The following HARBI1 variants were observed in gnomAD, a reference collection of about 807,000 sequenced individuals.
HARBI1 encodes harbinger transposase derived 1.
In HARBI1, 15 loss-of-function variants were observed where a neutral mutation model predicts 25.3. The ratio of observed to expected loss-of-function variants is 0.59; its 90% CI spans 0.40 to 0.91. The LOEUF (loss-of-function observed/expected upper bound fraction) is 0.91. Ranked by LOEUF, HARBI1 falls within the 40% of genes least tolerant of loss-of-function variation. HARBI1 has a pLI of 0.00. For synonymous variants in HARBI1, 168 were observed against 160.5 expected (o/e 1.05, Z -0.35); for missense variants, 396 against 445.8 (o/e 0.89, Z 1.01).
In HARBI1 at chr11:46,617,185, C is replaced by T. The variant is rs2045611359; in HGVS notation, c.-206G>A. On this transcript the variant is annotated 5_prime_UTR_variant, in exon 1 of 3. Coordinates refer to ENST00000326737, the MANE Select transcript of HARBI1 (RefSeq NM_173811.4). ...ACCCACCCAGCCGGGTTGGGCCCTC[C>T]TCCGGAACCGGCGACTGCACAGAGG... The T allele has an allele frequency of 5.2e-6, 1 of 194,046 alleles. No individual in the cohort carries two copies. The allele number at this position is 194,046 out of a possible 1,614,324, so 12.0% of individuals were successfully genotyped here. A position where few individuals can be genotyped will look rare whatever the true frequency, so the allele number is the denominator to read the frequency against.
chr11:46,603,509 C>T lies in HARBI1; in HGVS notation c.*21G>A. The T allele has an allele frequency of 6.5e-7, 1 of 1,548,156 alleles. No individual in the cohort carries two copies. Among genetic ancestry groups the T allele is most frequent in the Non-Finnish European group, 8.7e-7 (1 of 1,143,578 alleles). ...GTCTGTCACAACTCCTGGGAAGTAT[C>T]CCTCCTCTCCACCTTCTACATTAGC... On this transcript the variant is annotated 3_prime_UTR_variant, in exon 3 of 3. Transcript: ENST00000326737.
chr11:46,617,416 T>A (rs939266010), upstream of HARBI1: 1 of 162,422 alleles, frequency 6.2e-6, no homozygotes, highest in Non-Finnish European at 1.3e-5. Flanking sequence ...AGAAGAAAGC[T>A]TACGTGGAAT....
intron 2 of HARBI1, among the ~76,000 whole-genome samples, chr11:46,607,569 G>A (rs367625392): frequency 9.2e-5 from 14 of 152,174 alleles, no homozygotes; most frequent in African/African-American, 3.4e-4. Context: ...TTAAATGGAG[G>A]AGATATACAG....
At position 46,609,000 on chromosome 11, in the gene HARBI1, T is replaced by C. The variant is rs2045069770; in HGVS notation, c.671-5091A>G. On this transcript the variant is annotated intron_variant, in intron 2 of 2. Coordinates refer to ENST00000326737, the MANE Select transcript of HARBI1 (RefSeq NM_173811.4). ...GTGCAATGGCGTGATCTCAGCTCAC[T>C]GCAACCTCCGCCTCCCAGGTTCAAG... Among the ~76,000 whole-genome samples the C allele has an allele frequency of 2.0e-5, 3 of 151,300 alleles. No individual in the cohort carries two copies. The Admixed American group carries it at 2.0e-4, about 10-fold the overall frequency.
Position 46,615,737 on chromosome 11 carries a change from G to T in HARBI1, c.501C>A (p.Asn167Lys). The T allele has an allele frequency of 1.2e-6, 2 of 1,614,166 alleles. No individual in the cohort carries two copies. The highest frequency in any genetic ancestry group is 8.5e-7 in the Non-Finnish European group (1 of 1,180,034). ...APNAEDLSYV[N>K]RKGLHSLNCL... The stretch of plus-strand genomic sequence containing the variant: ...AGTTTAAAGAATGCAGGCCTTTTCG[G>T]TTCACATAGGAGAGGTCTTCAGCAT... The change falls in exon 2 of 3, where the codon AAC (asparagine) becomes AAA (lysine). Residue 167 changes from asparagine to lysine, a missense_variant. Coordinates refer to ENST00000326737, the MANE Select transcript of HARBI1 (RefSeq NM_173811.4).
At chr11:46,604,819 G>T in intron 2 of HARBI1, 1 of 451,418 alleles carries the variant, frequency 2.2e-6, no homozygotes, top group Non-Finnish European at 2.9e-6. Context: ...ATATAATCAT[G>T]CAAATAGTAA....
intron 2 of HARBI1, among the ~76,000 whole-genome samples, chr11:46,613,075 G>T (rs1433043044): frequency 6.9e-6 from 1 of 144,992 alleles, no homozygotes; most frequent in African/African-American, 2.6e-5. Context: ...TGCCTCCCAG[G>T]CTCAAGCAAT....
intron 2 of HARBI1, among the ~76,000 whole-genome samples, chr11:46,608,613 T>TAA (rs869222318): frequency 2.7e-5 from 4 of 149,884 alleles, no homozygotes; most frequent in Non-Finnish European, 4.4e-5. Context: ...GCCTGGCAAT[T>TAA]AAAAAAAAAA....
chr11:46,606,218 C>T (rs1345818316), intron 2 of HARBI1, among the ~76,000 whole-genome samples: 2 of 151,742 alleles, frequency 1.3e-5, no homozygotes, highest in Non-Finnish European at 2.9e-5. Context: ...CATAACCCTA[C>T]TAAATAATGA....
chr11:46,603,755 A>C lies in HARBI1; in HGVS notation c.825T>G (p.Asp275Glu). Residue 275 changes from aspartate (D) to glutamate (E), a missense_variant, in exon 3 of 3, where the codon GAT (aspartate) becomes GAG (glutamate). By Grantham distance (45) the Asp-to-Glu change is conservative. Transcript: ENST00000326737. ...RTLCSRFRCL[D>E]GSKGALQYSP... ...AGTACTGCAGTGCCCCCTTGGATCC[A>C]TCCAGGCAGCGGAATCGGGAGCAGA... 2 of 1,614,188 alleles carry C rather than the reference A, an allele frequency of 1.2e-6. No individual in the cohort carries two copies. Among genetic ancestry groups the C allele is most frequent in the East Asian group, 4.5e-5 (2 of 44,878 alleles).
chr11:46,610,239 G>C (rs953166286), intron 2 of HARBI1, among the ~76,000 whole-genome samples: 2 of 152,030 alleles, frequency 1.3e-5, no homozygotes, highest in Non-Finnish European at 2.9e-5. Flanking sequence ...AGGATCAATT[G>C]AGCCCAGGAG....
intron 1 of HARBI1, 68 bp downstream of exon 1, chr11:46,617,056 G>T: frequency 1.0e-6 from 1 of 961,786 alleles, no homozygotes; most frequent in Non-Finnish European, 1.2e-6. Flanking sequence ...CTTTTAAAGG[G>T]CACCCTAAAA....
intron 2 of HARBI1, among the ~76,000 whole-genome samples, chr11:46,613,964 C>T (rs2045282357): frequency 6.6e-6 from 1 of 152,060 alleles, no homozygotes; most frequent in African/African-American, 2.4e-5. Flanking sequence ...AGCCACCGCA[C>T]CCAGACAGGA....
intron 2 of HARBI1, among the ~76,000 whole-genome samples, chr11:46,608,900 C>G (rs1205073550): frequency 2.0e-5 from 3 of 150,338 alleles, no homozygotes; most frequent in Non-Finnish European, 4.4e-5. Context: ...CAGGCTTGAG[C>G]CACCGCACCT....
rs2044819071 is a variant in HARBI1 at position 46,602,939 on chromosome 11, G to T, written c.*591C>A. 6.6e-6 allele frequency: 1 copy of T among 151,148 alleles called. No homozygotes were observed. Among genetic ancestry groups the T allele is most frequent in the South Asian group, 2.1e-4 (1 of 4,804 alleles). The allele number at this position is 151,148 out of a possible 1,614,324, so 9.4% of individuals were successfully genotyped here. On this transcript the variant is annotated 3_prime_UTR_variant, in exon 3 of 3. Transcript: ENST00000326737. Reference sequence around the variant, plus strand: ...GCTCACCACAACCTCCGCCTCCCTGGTTCAAGTGATTCTCCTGCCTCAGCC... The same window carrying T: ...GCTCACCACAACCTCCGCCTCCCTGTTTCAAGTGATTCTCCTGCCTCAGCC...
In HARBI1 at chr11:46,615,687, C is replaced by T; in HGVS notation, c.551G>A (p.Gly184Glu). 1.2e-6 allele frequency: 2 copies of T among 1,613,988 alleles called. No individual in the cohort carries two copies. The highest frequency in any genetic ancestry group is 2.2e-5 in the East Asian group (1 of 44,890). The change falls in exon 2 of 3, where the codon GGG (glycine) becomes GAG (glutamate). Residue 184 changes from glycine to glutamate, a missense_variant. Gly to Glu is a moderately conservative substitution (Grantham distance 98). Transcript: ENST00000326737. Reference sequence around the variant, plus strand: ...GTTTGTCTCCACGGTCATTAGTGTCCCTCTAATGTCACACACCATCAGGCA... The same window carrying T: ...GTTTGTCTCCACGGTCATTAGTGTCTCTCTAATGTCACACACCATCAGGCA... ...LNCLMVCDIRGTLMTVETNWP... is the reference protein window; with the variant it reads ...LNCLMVCDIRETLMTVETNWP...
chr11:46,615,633 A>G lies in HARBI1; in HGVS notation c.605T>C (p.Val202Ala). ...ACTACTGAGGGAAGACTGCTGCAGC[A>G]CAGCACAGTCCTGTAGGCTGCCGGG... ...NWPGSLQDCA[V>A]LQQSSLSSQF... The change falls in exon 2 of 3, where the codon GTG becomes GCG. Residue 202 changes from valine (V) to alanine (A), a missense_variant. Physicochemically the swap from Val to Ala is moderately conservative, Grantham distance 64. Transcript: ENST00000326737. 6.2e-7 allele frequency: 1 copy of G among 1,614,220 alleles called. No individual in the cohort carries two copies. The highest frequency in any genetic ancestry group is 8.5e-7 in the Non-Finnish European group (1 of 1,180,042).
rs962664670 is a variant in HARBI1, at chr11:46,615,818, C to T, written c.420G>A (p.Gly140=). The change falls in exon 2 of 3, where the codon GGG becomes GGA. Residue 140 remains glycine (G), a synonymous_variant. Transcript: ENST00000326737. ...CAACCACCCCCATCACCCCTGGCAT[C>T]CCTGCCAACCCATAGAATTCATCCT... The part of the protein sequence containing the change: ...ALKDEFYGLA[G]MPGVMGVVDC... The T allele has an allele frequency of 4.3e-6, 7 of 1,614,104 alleles. No homozygotes were observed. In the African/African-American group the frequency reaches 8.0e-5, roughly 18 times the overall value.
intron 2 of HARBI1, chr11:46,604,460 A>T (rs911732385): frequency 1.7e-5 from 16 of 945,386 alleles, no homozygotes; most frequent in Non-Finnish European, 2.0e-5. Flanking sequence ...TATTAATAAA[A>T]GGCTTAATAA....
Sources: allele counts gnomAD v4.1 joint callset (sites outside exome capture counted in the v4.1 genomes callset), GRCh38; gene constraint gnomAD v4.1.1; transcripts MANE v1.5; gene names NCBI Gene and HGNC (gene_info 2026-07-23, HGNC 2026-07-21).